Variants in NRG3 observed in about 807,000 individuals in gnomAD.
NRG3 encodes the protein pro-neuregulin-3, membrane-bound isoform.
In NRG3, 31 loss-of-function variants were observed where a neutral mutation model predicts 66.9. The observed-to-expected ratio is 0.46, with a 90% confidence interval of 0.35 to 0.63. NRG3 has a LOEUF of 0.63. Ranked by LOEUF, NRG3 falls within the 20% of genes least tolerant of loss-of-function variation. The pLI, the probability that NRG3 is intolerant of heterozygous loss-of-function variation, is 0.00. For missense variants in NRG3, 910 were observed against 878.9 expected, an observed-to-expected ratio of 1.04 and a Z score of -0.45; for synonymous variants, 393 against 359.4, an observed-to-expected ratio of 1.09 and a Z score of -1.06.
At chr10:81,990,698 A>G (rs1322998961) in intron 1 of NRG3, among the ~76,000 whole-genome samples, 4 of 152,144 alleles carry the variant, frequency 2.6e-5, no homozygotes. Context: ...CCCGGAAAAG[A>G]GACTTATAGC....
chr10:82,100,358 A>T (rs1337949659), intron 1 of NRG3, among the ~76,000 whole-genome samples: 1 of 151,972 alleles, frequency 6.6e-6, no homozygotes. Flanking sequence ...AAGTCTTTGT[A>T]TATCTCCCTC....
chr10:81,964,095 A>AGATAAGCAATGTTATCAATTTTGTGTAC (rs1448400563), intron 1 of NRG3, among the ~76,000 whole-genome samples: 22 of 152,320 alleles, frequency 1.4e-4, no homozygotes, highest in African/African-American at 5.3e-4. Flanking sequence ...CCCTTCCCAG[A>AGATAAGCAATGTTATCAATTTTGTGTAC]GATAAGCAAT....
At chr10:82,008,281 G>A (rs2061449379) in intron 1 of NRG3, among the ~76,000 whole-genome samples, 1 of 152,166 alleles carries the variant, frequency 6.6e-6, no homozygotes, top group Admixed American at 6.6e-5. Flanking sequence ...AAAGACATCT[G>A]AACTTGACCA....
At chr10:82,107,940 T>A (rs2132202070) in intron 1 of NRG3, among the ~76,000 whole-genome samples, 1 of 152,358 alleles carries the variant, frequency 6.6e-6, no homozygotes, top group East Asian at 1.9e-4. Flanking sequence ...TCAAGGGTAC[T>A]TATTAAATGA....
intron 2 of NRG3, among the ~76,000 whole-genome samples, chr10:82,435,924 T>G (rs1299723576): frequency 6.6e-6 from 1 of 152,208 alleles, no homozygotes; most frequent in South Asian, 2.1e-4. Context: ...ATTTCCATTC[T>G]TTTGCATTTG....
intron 1 of NRG3, among the ~76,000 whole-genome samples, chr10:82,124,579 A>G (rs1261491076): frequency 2.0e-5 from 3 of 151,780 alleles, no homozygotes; most frequent in Non-Finnish European, 4.4e-5. Context: ...GTGGAGGGCA[A>G]GAGGAGGGAG....
At chr10:82,635,044 T>C (rs2050093996) in intron 2 of NRG3, among the ~76,000 whole-genome samples, 1 of 152,150 alleles carries the variant, frequency 6.6e-6, no homozygotes, top group Admixed American at 6.5e-5. Flanking sequence ...ACTTATATCT[T>C]TTGGATTTAT....
chr10:81,913,979 T>G (rs1157271192), intron 1 of NRG3, among the ~76,000 whole-genome samples: 2 of 152,218 alleles, frequency 1.3e-5, no homozygotes. Context: ...AGAGCTCTTG[T>G]GGCACTTGTA....
chr10:82,689,856 A>G (rs1204205095), intron 2 of NRG3, among the ~76,000 whole-genome samples: 1 of 152,250 alleles, frequency 6.6e-6, no homozygotes, highest in East Asian at 1.9e-4. Flanking sequence ...AAGACTAAAT[A>G]GACTTCGTAC....
intron 2 of NRG3, among the ~76,000 whole-genome samples, chr10:82,504,333 T>C (rs1223038728): frequency 6.6e-6 from 1 of 152,224 alleles, no homozygotes; most frequent in East Asian, 1.9e-4. Context: ...CACACTGTTA[T>C]CAACACATCT....
intron 6 of NRG3, among the ~76,000 whole-genome samples, chr10:82,961,737 A>G (rs1392525370): frequency 2.0e-5 from 3 of 152,240 alleles, no homozygotes; most frequent in African/African-American, 7.2e-5. Flanking sequence ...CAAAAGTGGT[A>G]AAGAAGTTCA....
chr10:82,692,689 C>A (rs1404260057), intron 2 of NRG3, among the ~76,000 whole-genome samples: 1 of 152,180 alleles, frequency 6.6e-6, no homozygotes, highest in East Asian at 1.9e-4. Flanking sequence ...GCCTCTAGTC[C>A]ATTGTGGGCA....
At chr10:82,263,961 A>C (rs2078166317) in intron 1 of NRG3, among the ~76,000 whole-genome samples, 1 of 151,048 alleles carries the variant, frequency 6.6e-6, no homozygotes, top group South Asian at 2.1e-4. Context: ...GTCAAAGTTA[A>C]CTCAGAGGGG....
intron 1 of NRG3, among the ~76,000 whole-genome samples, chr10:82,299,104 G>A (rs1377439192): frequency 6.6e-6 from 1 of 152,058 alleles, no homozygotes; most frequent in Non-Finnish European, 1.5e-5. Flanking sequence ...ATGGAGATTG[G>A]GTTTAAAATG....
chr10:82,885,459 A>G (rs1024223235), intron 4 of NRG3, among the ~76,000 whole-genome samples: 1 of 152,154 alleles, frequency 6.6e-6, no homozygotes, highest in African/African-American at 2.4e-5. Flanking sequence ...TAGGATATGA[A>G]TACTATTATT....
chr10:82,363,443 T>TTTTGTTTGTTTG (rs3068953), intron 2 of NRG3, among the ~76,000 whole-genome samples: 2 of 151,894 alleles, frequency 1.3e-5, no homozygotes, highest in African/African-American at 2.4e-5. Flanking sequence ...TTATACTGTT[T>TTTTGTTTGTTTG]TTTGTTTGTT....
At chr10:82,931,005 C>G (rs145691357) in intron 4 of NRG3, among the ~76,000 whole-genome samples, 1 of 152,116 alleles carries the variant, frequency 6.6e-6, no homozygotes, top group East Asian at 1.9e-4. Context: ...CTGACAGGAG[C>G]CTGGAGCAGA....
At chr10:81,988,129 G>T (rs2060595588) in intron 1 of NRG3, among the ~76,000 whole-genome samples, 2 of 152,190 alleles carry the variant, frequency 1.3e-5, no homozygotes, top group African/African-American at 4.8e-5. Flanking sequence ...ATCCAAAGGT[G>T]ATAGTGTAGT....
chr10:82,656,844 A>G (rs1047363236), intron 2 of NRG3, among the ~76,000 whole-genome samples: 3 of 152,166 alleles, frequency 2.0e-5, no homozygotes, highest in Non-Finnish European at 4.4e-5. Flanking sequence ...GGAAAATAAA[A>G]GATCTCTTTA....
Sources: allele counts gnomAD v4.1 joint callset (sites outside exome capture counted in the v4.1 genomes callset), GRCh38; gene constraint gnomAD v4.1.1; transcripts MANE v1.5; gene names NCBI Gene and HGNC (gene_info 2026-07-23, HGNC 2026-07-21).